The following RBFOX1 variants were observed in gnomAD, a reference collection of about 807,000 sequenced individuals.
RBFOX1 encodes the protein RNA binding fox-1 homolog 1.
Under a neutral mutation model 57.7 loss-of-function variants are expected in RBFOX1, and 8 were observed. The observed-to-expected ratio is 0.14, with a 90% CI of 0.08 to 0.25. The LOEUF (loss-of-function observed/expected upper bound fraction) is 0.25, where lower values mean the gene tolerates loss of function less well. Ranked by LOEUF, RBFOX1 falls within the 10% of genes least tolerant of loss-of-function variation. The probability of loss-of-function intolerance (pLI) is 1.00; values close to 1 mark genes in which losing one functional copy is unlikely to be tolerated. For synonymous variants in RBFOX1, 326 were observed against 222.4 expected, an observed-to-expected ratio of 1.47 and a Z score of -4.15; for missense variants, 611 against 548.5, an observed-to-expected ratio of 1.11 and a Z score of -1.14.
intron 10 of RBFOX1, among the ~76,000 whole-genome samples, chr16:7,622,668 G>A (rs2059488837): frequency 1.3e-5 from 2 of 152,048 alleles, no homozygotes; most frequent in Non-Finnish European, 2.9e-5. Context: ...AAAATAAATT[G>A]GAGTGAGGGA....
At chr16:6,171,582 A>G (rs1324792270) in intron 1 of RBFOX1, among the ~76,000 whole-genome samples, 4 of 152,146 alleles carry the variant, frequency 2.6e-5, no homozygotes, top group African/African-American at 4.8e-5. Flanking sequence ...CCATGAACAT[A>G]TGATATAATG....
At chr16:6,187,929 T>A (rs186832505) in intron 1 of RBFOX1, among the ~76,000 whole-genome samples, 1 of 152,336 alleles carries the variant, frequency 6.6e-6, no homozygotes, top group African/African-American at 2.4e-5. Context: ...TGCGTGCATA[T>A]GTGTGCACAT....
Position 6,820,371 on chromosome 16 carries a change from C to T in RBFOX1, c.-16+165721C>T, listed in dbSNP as rs1265773444. On this transcript the variant is annotated intron_variant, in intron 3 of 15. Coordinates refer to ENST00000550418, the MANE Select transcript of RBFOX1 (RefSeq NM_018723.4). ...TGGATAGATAGGATTGTTCAGGTAA[C>T]TGTGATAGGCCCAACACAGTGGCTC... Among the ~76,000 whole-genome samples, 3 of 152,100 alleles carry T rather than the reference C, an allele frequency of 2.0e-5. 1 individual carries two copies. Among genetic ancestry groups the T allele is most frequent in the Non-Finnish European group, 4.4e-5 (3 of 68,022 alleles).
At chr16:5,701,926 A>T (rs558595097) in intron 3 of RBFOX1, among the ~76,000 whole-genome samples, 5 of 152,226 alleles carry the variant, frequency 3.3e-5, no homozygotes, top group Admixed American at 2.0e-4. Context: ...TCCACACAGT[A>T]TAAACTCTAG....
rs1295062634 is a variant in RBFOX1 at position 6,726,042 on chromosome 16, G to A, written c.-16+71392G>A. Among the ~76,000 whole-genome samples the A allele has an allele frequency of 2.0e-5, 3 of 152,102 alleles. No homozygotes were observed. The East Asian group carries it at 5.8e-4, about 29-fold the overall frequency. ...CCTTTCTGTCTCGGCAAAGAGAGAGGAATTAAGATTTGTTCCGTGTTGACT... is the reference window on the plus strand; with the variant it reads ...CCTTTCTGTCTCGGCAAAGAGAGAGAAATTAAGATTTGTTCCGTGTTGACT... On this transcript the variant is annotated intron_variant, in intron 3 of 15. Transcript: ENST00000550418.
chr16:5,512,763 T>C (rs988350099), intron 2 of RBFOX1, among the ~76,000 whole-genome samples: 1 of 152,238 alleles, frequency 6.6e-6, no homozygotes, highest in Admixed American at 6.5e-5. Context: ...CAGACCCGTA[T>C]TGATGCATTG....
intron 3 of RBFOX1, among the ~76,000 whole-genome samples, chr16:6,992,254 C>G (rs1010738419): frequency 1.3e-5 from 2 of 151,628 alleles, no homozygotes; most frequent in South Asian, 2.1e-4. Flanking sequence ...GCCTCTGCCT[C>G]CCGGATTCAA....
chr16:6,754,784 A>C (rs147555082), intron 3 of RBFOX1, among the ~76,000 whole-genome samples: 6 of 152,030 alleles, frequency 3.9e-5, no homozygotes, highest in Admixed American at 3.9e-4. Context: ...TACATGTGCC[A>C]TGCTGGTGTG....
rs1056813797 is a variant in RBFOX1, at chr16:6,226,661, C to T, written c.-126-90334C>T. On this transcript the variant is annotated intron_variant, in intron 1 of 15. Transcript: ENST00000550418. ...ATTGGCCTCCAAGAGCATTTTCTCC[C>T]CAAACCTCTTAAGGGGTTTATATGA... Among the ~76,000 whole-genome samples, 6 of 152,180 alleles carry T rather than the reference C, an allele frequency of 3.9e-5. No individual in the cohort carries two copies. The South Asian group carries it at 6.2e-4, about 16-fold the overall frequency.
At chr16:7,441,987 CAGT>C (rs2149910953) in intron 4 of RBFOX1, among the ~76,000 whole-genome samples, 1 of 152,328 alleles carries the variant, frequency 6.6e-6, no homozygotes, top group South Asian at 2.1e-4. Flanking sequence ...CTGAAGATTT[CAGT>C]AGCTCTTTGT....
At chr16:7,494,415 T>C (rs2067920818) in intron 4 of RBFOX1, among the ~76,000 whole-genome samples, 1 of 152,214 alleles carries the variant, frequency 6.6e-6, no homozygotes, top group South Asian at 2.1e-4. Context: ...ACTCCTTCTC[T>C]GCTCCCTCAA....
At chr16:6,031,580 C>T (rs1043258116) in intron 1 of RBFOX1, among the ~76,000 whole-genome samples, 2 of 152,212 alleles carry the variant, frequency 1.3e-5, no homozygotes, top group African/African-American at 2.4e-5. Context: ...TGTGCACACA[C>T]ATCTCTGTAT....
At chr16:6,375,650 C>G (rs1459677668) in intron 2 of RBFOX1, among the ~76,000 whole-genome samples, 2 of 152,056 alleles carry the variant, frequency 1.3e-5, no homozygotes, top group Admixed American at 1.3e-4. Flanking sequence ...GCCTGCCAGC[C>G]CAGCCTCTTC....
In RBFOX1 at chr16:6,948,528, G is replaced by A. The variant is rs549353990; in HGVS notation, c.-15-103529G>A. Among the ~76,000 whole-genome samples the A allele has an allele frequency of 1.9e-4, 28 of 151,170 alleles. No homozygotes were observed. In the South Asian group the frequency reaches 3.2e-3, roughly 17 times the overall value. ...CTCCCAAGTAGCTTGGACTAGAGGC[G>A]CCCACCACCATGCCCAGCTAATTTT... On this transcript the variant is annotated intron_variant, in intron 3 of 15. Transcript: ENST00000550418.
intron 4 of RBFOX1, among the ~76,000 whole-genome samples, chr16:7,141,224 G>C (rs1400244157): frequency 6.6e-6 from 1 of 152,294 alleles, no homozygotes; most frequent in East Asian, 1.9e-4. Flanking sequence ...GAGTGTTAGT[G>C]CTGGATCCAG....
intron 3 of RBFOX1, among the ~76,000 whole-genome samples, chr16:5,790,831 G>A (rs550799818): frequency 4.3e-4 from 65 of 150,658 alleles, no homozygotes; most frequent in Admixed American, 1.7e-3. Context: ...CCCTCTGCCC[G>A]TTTTGGGGAT....
chr16:7,170,294 A>G (rs1442239569), intron 4 of RBFOX1, among the ~76,000 whole-genome samples: 9 of 152,120 alleles, frequency 5.9e-5, no homozygotes, highest in Admixed American at 5.9e-4. Flanking sequence ...GTTTTTAGAG[A>G]TGGTGTCTTG....
chr16:6,153,628 C>T (rs7198454), intron 1 of RBFOX1, among the ~76,000 whole-genome samples: 4,517 of 152,142 alleles, frequency 0.03, 206 homozygotes, highest in African/African-American at 0.099. Flanking sequence ...CTCTGCCTCC[C>T]GGGTTCAAGT....
chr16:5,916,729 C>G (rs138744341), intron 4 of RBFOX1, among the ~76,000 whole-genome samples: 2 of 152,234 alleles, frequency 1.3e-5, no homozygotes, highest in African/African-American at 4.8e-5. Flanking sequence ...CACCACCCCC[C>G]ACACTAAGCT....
Sources: gnomAD v4.1 joint callset for allele counts (sites outside exome capture counted in the v4.1 genomes callset) on GRCh38, gnomAD v4.1.1 for gene constraint, MANE v1.5 for transcripts, NCBI Gene and HGNC (gene_info 2026-07-23, HGNC 2026-07-21) for gene names.